ZFHX3: variants seen among roughly 807,000 people sequenced by gnomAD.
ZFHX3 encodes zinc finger homeobox 3.
ZFHX3 carries 42 observed loss-of-function variants against 279.1 expected under a neutral mutation model. That is an observed-to-expected ratio of 0.15 (90% confidence interval 0.12 to 0.19). ZFHX3 has a LOEUF of 0.19. Among genes scored for constraint, ZFHX3 ranks in the 10% least tolerant of loss-of-function variants. The pLI is 1.00. For missense variants in ZFHX3, 4,981 were observed against 4,754.0 expected, an observed-to-expected ratio of 1.05 and a Z score of -1.40; for synonymous variants, 2,293 against 1,957.8, an observed-to-expected ratio of 1.17 and a Z score of -4.52.
intron 2 of ZFHX3, among the ~76,000 whole-genome samples, chr16:73,603,828 C>T (rs1296604832): frequency 1.5e-5 from 2 of 135,094 alleles, no homozygotes; most frequent in African/African-American, 6.0e-5. Flanking sequence ...GGCTGGAGTG[C>T]AGTGGCGTGG....
At position 72,957,831 on chromosome 16, in the gene ZFHX3, GCC is replaced by G; in HGVS notation, c.2313_2314del (p.Ala772GlyfsTer16). 6.2e-7 allele frequency: 1 copy of G among 1,611,640 alleles called. No individual in the cohort carries two copies. The highest frequency in any genetic ancestry group is 8.5e-7 in the Non-Finnish European group (1 of 1,178,818). On this transcript the variant is annotated frameshift_variant, in exon 2 of 10. Transcript: ENST00000268489. LOFTEE classifies it high-confidence loss of function. ...CGCCGCAGCCACCGCCGCCGCCGCC[GCC>G]CCGGCAGTGTGGCTGAAGACCTGCT...
chr16:73,161,880 T>C (rs886846679), intron 5 of ZFHX3, among the ~76,000 whole-genome samples: 2 of 152,156 alleles, frequency 1.3e-5, no homozygotes, highest in Non-Finnish European at 2.9e-5. Flanking sequence ...GAACTCAGAA[T>C]TGTGACTTTC....
At chr16:73,162,118 T>G (rs1967251107) in intron 5 of ZFHX3, among the ~76,000 whole-genome samples, 1 of 152,172 alleles carries the variant, frequency 6.6e-6, no homozygotes, top group Non-Finnish European at 1.5e-5. Flanking sequence ...CAGACCAGTA[T>G]CAATTCATGG....
intron 5 of ZFHX3, among the ~76,000 whole-genome samples, chr16:73,195,015 T>C (rs1025094934): frequency 9.2e-5 from 14 of 152,346 alleles, no homozygotes; most frequent in African/African-American, 3.4e-4. Context: ...CTCATTATAA[T>C]TTGGTAGGAA....
intron 2 of ZFHX3, among the ~76,000 whole-genome samples, chr16:73,515,556 G>A (rs2143696595): frequency 7.4e-6 from 1 of 135,414 alleles, no homozygotes. Context: ...GAGAGGGAGA[G>A]AAAGAGAGAG....
chr16:72,920,690 A>C (rs2039563207), intron 3 of ZFHX3, among the ~76,000 whole-genome samples: 1 of 152,060 alleles, frequency 6.6e-6, no homozygotes, highest in Non-Finnish European at 1.5e-5. Context: ...ATTAAAAAAA[A>C]ACACACCTAG....
intron 3 of ZFHX3, among the ~76,000 whole-genome samples, chr16:73,373,253 G>C (rs1193461089): frequency 6.6e-6 from 1 of 152,084 alleles, no homozygotes; most frequent in Admixed American, 6.6e-5. Context: ...TCATTTCCTA[G>C]CCCTTTGGCC....
At chr16:73,120,065 C>T (rs1418968755) in intron 7 of ZFHX3, among the ~76,000 whole-genome samples, 2 of 152,118 alleles carry the variant, frequency 1.3e-5, no homozygotes, top group African/African-American at 2.4e-5. Flanking sequence ...TTCCTCTGTG[C>T]TCAATTTCCC....
intron 2 of ZFHX3, among the ~76,000 whole-genome samples, chr16:73,529,501 G>C (rs1421250658): frequency 6.6e-6 from 1 of 152,178 alleles, no homozygotes; most frequent in Non-Finnish European, 1.5e-5. Flanking sequence ...CCCGGCAGCA[G>C]TGACACTCAG....
intron 2 of ZFHX3, among the ~76,000 whole-genome samples, chr16:73,532,205 G>C (rs1204828027): frequency 6.6e-6 from 1 of 152,134 alleles, no homozygotes; most frequent in African/African-American, 2.4e-5. Flanking sequence ...TGTTATGGGA[G>C]GGACCCCAGG....
At chr16:72,863,024 G>A (rs142463530) in intron 4 of ZFHX3, among the ~76,000 whole-genome samples, 112 of 152,076 alleles carry the variant, frequency 7.4e-4, no homozygotes, top group African/African-American at 2.0e-3. Flanking sequence ...GTGGAGGATC[G>A]CTTGAGCCCA....
At chr16:72,866,052 G>T (rs1488085014) in intron 4 of ZFHX3, among the ~76,000 whole-genome samples, 2 of 152,178 alleles carry the variant, frequency 1.3e-5, no homozygotes, top group African/African-American at 4.8e-5. Flanking sequence ...TGATGCGGTC[G>T]TGAGATGCCC....
intron 2 of ZFHX3, among the ~76,000 whole-genome samples, chr16:73,611,229 A>G (rs2052242593): frequency 6.6e-6 from 1 of 152,170 alleles, no homozygotes; most frequent in South Asian, 2.1e-4. Context: ...TCATTTATTC[A>G]TTCAACAAAC....
intron 3 of ZFHX3, among the ~76,000 whole-genome samples, chr16:73,362,290 T>C (rs1192809610): frequency 6.6e-6 from 1 of 152,094 alleles, no homozygotes; most frequent in Non-Finnish European, 1.5e-5. Context: ...CTTCCAGAGT[T>C]CCCCCCATTA....
intron 1 of ZFHX3, among the ~76,000 whole-genome samples, chr16:73,038,925 G>C (rs1214117866): frequency 6.6e-6 from 1 of 151,676 alleles, no homozygotes; most frequent in East Asian, 1.9e-4. Flanking sequence ...AGCCTCCCGA[G>C]TAGCTAGGAA....
chr16:73,289,629 CA>C (rs1382822319), intron 4 of ZFHX3, among the ~76,000 whole-genome samples: 1 of 152,008 alleles, frequency 6.6e-6, no homozygotes, highest in Non-Finnish European at 1.5e-5. Flanking sequence ...GTGCCATCCC[CA>C]AGCAGGAGCT....
At chr16:73,885,542 C>G (rs2030318246) in intron 1 of ZFHX3, among the ~76,000 whole-genome samples, 1 of 152,060 alleles carries the variant, frequency 6.6e-6, no homozygotes, top group South Asian at 2.1e-4. Context: ...TGATCTACTT[C>G]TTTTTGTTTG....
intron 2 of ZFHX3, among the ~76,000 whole-genome samples, chr16:73,487,912 C>T (rs1647976890): frequency 6.6e-6 from 1 of 152,150 alleles, no homozygotes; most frequent in Non-Finnish European, 1.5e-5. Context: ...TGAGAACCTA[C>T]ATGGAAAGAG....
At chr16:73,733,939 A>G (rs2053589032) in intron 1 of ZFHX3, among the ~76,000 whole-genome samples, 1 of 152,144 alleles carries the variant, frequency 6.6e-6, no homozygotes, top group Non-Finnish European at 1.5e-5. Context: ...GTGGTCCCCA[A>G]TTTTTTGGCA....
Sources: allele counts gnomAD v4.1 joint callset (sites outside exome capture counted in the v4.1 genomes callset), GRCh38; gene constraint gnomAD v4.1.1; transcripts MANE v1.5; gene names NCBI Gene and HGNC (gene_info 2026-07-23, HGNC 2026-07-21).